Variants in TTC29 observed in about 807,000 individuals in gnomAD.
TTC29 encodes tetratricopeptide repeat domain 29.
TTC29 carries 49 observed loss-of-function variants against 58.1 expected under a neutral mutation model. The observed-to-expected ratio is 0.84, with a 90% confidence interval of 0.67 to 1.07. TTC29 has a LOEUF of 1.07. TTC29 is among the 50% of genes least tolerant of loss of function. The pLI, the probability that TTC29 is intolerant of heterozygous loss-of-function variation, is 0.00. For synonymous variants in TTC29, 209 were observed against 196.8 expected, an observed-to-expected ratio of 1.06 and a Z score of -0.52; for missense variants, 582 against 555.6, an observed-to-expected ratio of 1.05 and a Z score of -0.48.
chr4:146,845,308 T>C (rs984224568), intron 8 of TTC29, among the ~76,000 whole-genome samples: 1 of 152,174 alleles, frequency 6.6e-6, no homozygotes, highest in Non-Finnish European at 1.5e-5. Flanking sequence ...AGCCTGTGTC[T>C]ACTGGCAAGA....
intron 4 of TTC29, among the ~76,000 whole-genome samples, chr4:146,928,493 G>A (rs1735088343): frequency 6.6e-6 from 1 of 152,150 alleles, no homozygotes. Flanking sequence ...AATTAAACCT[G>A]GAAACAGTAT....
chr4:146,721,516 G>A (rs891805057), intron 11 of TTC29, among the ~76,000 whole-genome samples: 15 of 152,130 alleles, frequency 9.9e-5, no homozygotes, highest in African/African-American at 3.1e-4. Context: ...CTTAGAGCTA[G>A]TATATACATA....
intron 8 of TTC29, among the ~76,000 whole-genome samples, chr4:146,847,372 G>A (rs1042463138): frequency 1.3e-5 from 2 of 152,178 alleles, no homozygotes; most frequent in Admixed American, 1.3e-4. Flanking sequence ...ATCCCAGCCA[G>A]GAGGTGAGTT....
At chr4:146,938,637 C>T (rs538891705) in intron 3 of TTC29, among the ~76,000 whole-genome samples, 1 of 152,060 alleles carries the variant, frequency 6.6e-6, no homozygotes, top group Admixed American at 6.5e-5. Flanking sequence ...GATTTCTCCG[C>T]TATAGGAAAA....
At chr4:146,852,527 T>G (rs891417953) in intron 8 of TTC29, among the ~76,000 whole-genome samples, 1 of 152,202 alleles carries the variant, frequency 6.6e-6, no homozygotes, top group Non-Finnish European at 1.5e-5. Flanking sequence ...GTTTCACTCC[T>G]GCAAGGCTCC....
intron 6 of TTC29, among the ~76,000 whole-genome samples, chr4:146,901,706 T>C (rs1733159501): frequency 6.6e-6 from 1 of 152,240 alleles, no homozygotes; most frequent in Admixed American, 6.5e-5. Context: ...TTCTCCCTCA[T>C]TTCATTGCTG....
chr4:146,751,727 TA>T (rs1246567302), intron 11 of TTC29, among the ~76,000 whole-genome samples: 1 of 151,812 alleles, frequency 6.6e-6, no homozygotes, highest in Non-Finnish European at 1.5e-5. Flanking sequence ...TTTGTAGCAA[TA>T]AACACTTACA....
At chr4:146,945,111 A>G (rs997009891) in intron 1 of TTC29, 34 bp from the exon 2 acceptor site, 3 of 152,232 alleles carry the variant, frequency 2.0e-5, no homozygotes, top group African/African-American at 7.2e-5. Flanking sequence ...AATAGCAAAG[A>G]AGAAAAATTT....
chr4:146,747,465 T>G (rs754012550), intron 11 of TTC29, among the ~76,000 whole-genome samples: 1 of 152,146 alleles, frequency 6.6e-6, no homozygotes, highest in Non-Finnish European at 1.5e-5. Context: ...TCCATTCATA[T>G]CCATTGCAGT....
intron 11 of TTC29, among the ~76,000 whole-genome samples, chr4:146,759,744 G>T (rs943613662): frequency 6.6e-5 from 10 of 152,048 alleles, no homozygotes; most frequent in African/African-American, 2.4e-4. Context: ...ATCGCTTTAT[G>T]ATTAAAACTC....
intron 8 of TTC29, among the ~76,000 whole-genome samples, chr4:146,863,971 T>C (rs1036949313): frequency 1.3e-5 from 2 of 152,098 alleles, no homozygotes; most frequent in Admixed American, 1.3e-4. Context: ...ATGCTAATCT[T>C]CTCCAGAAAC....
chr4:146,730,669 T>C (rs531639808), intron 11 of TTC29, among the ~76,000 whole-genome samples: 13 of 152,262 alleles, frequency 8.5e-5, no homozygotes, highest in African/African-American at 3.1e-4. Flanking sequence ...AGAATTTATA[T>C]GACGAAGGAG....
chr4:146,904,205 T>C (rs1265965352), intron 5 of TTC29, among the ~76,000 whole-genome samples: 1 of 152,174 alleles, frequency 6.6e-6, no homozygotes, highest in Non-Finnish European at 1.5e-5. Flanking sequence ...AGGTATTTCA[T>C]ATCATAAAAA....
chr4:146,809,366 C>T (rs1018350424), intron 10 of TTC29, among the ~76,000 whole-genome samples: 1 of 149,992 alleles, frequency 6.7e-6, no homozygotes, highest in Non-Finnish European at 1.5e-5. Context: ...GCAATGGCAA[C>T]AAAAGCCAAA....
chr4:146,778,762 C>T (rs913379263), intron 11 of TTC29, among the ~76,000 whole-genome samples: 4 of 151,734 alleles, frequency 2.6e-5, no homozygotes, highest in African/African-American at 4.8e-5. Context: ...CACTTATAAG[C>T]AGGAGTGAAA....
At position 146,717,474 on chromosome 4, in the gene TTC29, C is replaced by T. The variant is rs183900919; in HGVS notation, c.1331-9923G>A. On this transcript the variant is annotated intron_variant, in intron 11 of 12. Transcript: ENST00000325106. ...TGTATTTTTAGTAGACATGGGGTTT[C>T]ACCATGTTGGCCAGGCTGGTCTTGA... is the stretch of plus-strand genomic sequence containing the variant. Among the ~76,000 whole-genome samples the T allele has an allele frequency of 2.4e-4, 36 of 152,226 alleles. No homozygotes were observed. The East Asian group carries it at 7.0e-3, about 29-fold the overall frequency.
At chr4:146,808,795 A>G (rs1243207570) in intron 10 of TTC29, among the ~76,000 whole-genome samples, 2 of 152,246 alleles carry the variant, frequency 1.3e-5, no homozygotes, top group Non-Finnish European at 2.9e-5. Context: ...AGTATCGTGA[A>G]AATAGCCATA....
chr4:146,935,570 T>G (rs1000368642), intron 4 of TTC29, among the ~76,000 whole-genome samples: 1 of 152,184 alleles, frequency 6.6e-6, no homozygotes, highest in Non-Finnish European at 1.5e-5. Flanking sequence ...AGAAGTTCTA[T>G]CCTATCGTCT....
intron 4 of TTC29, among the ~76,000 whole-genome samples, chr4:146,916,216 AC>A: frequency 6.6e-6 from 1 of 151,792 alleles, no homozygotes; most frequent in Non-Finnish European, 1.5e-5. Context: ...TTCTTGACAT[AC>A]ACCTACTAAC....
Sources: gnomAD v4.1 joint callset for allele counts (sites outside exome capture counted in the v4.1 genomes callset) on GRCh38, gnomAD v4.1.1 for gene constraint, MANE v1.5 for transcripts, NCBI Gene and HGNC (gene_info 2026-07-23, HGNC 2026-07-21) for gene names.